Variants in UIMC1 observed in about 807,000 individuals in gnomAD.
UIMC1 encodes BRCA1-A complex subunit RAP80.
Under a neutral mutation model 84.9 loss-of-function variants are expected in UIMC1, and 42 were observed. That is an observed-to-expected ratio of 0.49 (90% CI 0.39 to 0.64). The LOEUF (loss-of-function observed/expected upper bound fraction) is 0.64, where lower values mean the gene tolerates loss of function less well. UIMC1 is among the 30% of genes least tolerant of loss of function. UIMC1 has a pLI of 0.00. For missense variants in UIMC1, 825 were observed against 847.6 expected, an observed-to-expected ratio of 0.97 and a Z score of 0.33; for synonymous variants, 281 against 293.0, an observed-to-expected ratio of 0.96 and a Z score of 0.42.
intron 10 of UIMC1, among the ~76,000 whole-genome samples, chr5:176,932,542 CAG>C (rs1307611587): frequency 2.6e-5 from 4 of 152,102 alleles, no homozygotes; most frequent in African/African-American, 7.2e-5. Context: ...GACAGACAGA[CAG>C]ACAAACATCA....
chr5:176,968,244 C>T (rs1768617215), intron 6 of UIMC1, among the ~76,000 whole-genome samples: 1 of 152,058 alleles, frequency 6.6e-6, no homozygotes, highest in African/African-American at 2.4e-5. Flanking sequence ...TAGTGGCAAG[C>T]ACCTGTAATC....
chr5:177,005,231 ACT>A (rs890871910), intron 1 of UIMC1, among the ~76,000 whole-genome samples: 37 of 150,696 alleles, frequency 2.5e-4, no homozygotes, highest in South Asian at 8.4e-4. Context: ...GCGCCACCAC[ACT>A]CTAATAATTT....
chr5:176,941,626 T>C (rs1175648996), intron 10 of UIMC1, among the ~76,000 whole-genome samples: 1 of 152,138 alleles, frequency 6.6e-6, no homozygotes, highest in Non-Finnish European at 1.5e-5. Context: ...TACACCTAAG[T>C]TACAGGAATC....
intron 1 of UIMC1, among the ~76,000 whole-genome samples, chr5:176,992,451 C>T (rs1773012109): frequency 6.8e-6 from 1 of 147,094 alleles, no homozygotes; most frequent in Admixed American, 6.7e-5. Context: ...ATAGTGAGAC[C>T]CTGTCTCAGT....
In UIMC1 at chr5:176,987,663, T is replaced by C. The variant is rs560254102; in HGVS notation, c.-8-5040A>G. Among the ~76,000 whole-genome samples, 11 of 147,846 alleles carry C rather than the reference T, an allele frequency of 7.4e-5. No individual in the cohort carries two copies. In the South Asian group the frequency reaches 2.4e-3, roughly 32 times the overall value. Reference sequence around the variant, plus strand: ...GGGACCCTGTCTCAAAAAAATAAAATAAAAATAAACATTAGCCAGGCATGG... The same window carrying C: ...GGGACCCTGTCTCAAAAAAATAAAACAAAAATAAACATTAGCCAGGCATGG... On this transcript the variant is annotated intron_variant, in intron 1 of 14. Transcript: ENST00000511320.
intron 1 of UIMC1, among the ~76,000 whole-genome samples, chr5:177,002,871 T>C (rs1774736298): frequency 1.3e-5 from 2 of 152,094 alleles, no homozygotes; most frequent in South Asian, 4.1e-4. Flanking sequence ...AATATATCAT[T>C]ATGAGGAAAC....
chr5:176,915,430 T>C (rs1210333514), intron 10 of UIMC1, among the ~76,000 whole-genome samples: 1 of 151,808 alleles, frequency 6.6e-6, no homozygotes, highest in South Asian at 2.1e-4. Flanking sequence ...ACAAAGAATA[T>C]ATCATTATTT....
chr5:177,014,185 T>C (rs765697313), intron 1 of UIMC1, among the ~76,000 whole-genome samples: 26 of 151,134 alleles, frequency 1.7e-4, no homozygotes, highest in Admixed American at 7.3e-4. Context: ...CCCAAGTAGC[T>C]GGGATTACAG....
chr5:176,999,684 T>C (rs967806384), intron 1 of UIMC1, among the ~76,000 whole-genome samples: 1 of 152,198 alleles, frequency 6.6e-6, no homozygotes, highest in Non-Finnish European at 1.5e-5. Context: ...TTATTTCACT[T>C]AACATAATGA....
intron 1 of UIMC1, among the ~76,000 whole-genome samples, chr5:176,988,765 C>G (rs1350848458): frequency 6.7e-6 from 1 of 150,094 alleles, no homozygotes. Context: ...CTCACTGCAG[C>G]CTCCACCTCC....
At chr5:176,988,777 G>A (rs973303276) in intron 1 of UIMC1, among the ~76,000 whole-genome samples, 8 of 149,566 alleles carry the variant, frequency 5.3e-5, no homozygotes, top group Admixed American at 6.8e-5. Flanking sequence ...TCCACCTCCC[G>A]GGTTCAAGCA....
intron 1 of UIMC1, among the ~76,000 whole-genome samples, chr5:176,990,086 C>G (rs1772591921): frequency 6.6e-6 from 1 of 151,368 alleles, no homozygotes; most frequent in African/African-American, 2.4e-5. Context: ...GAGGCTGAGG[C>G]AGGAGAATGG....
At chr5:176,944,173 TGTA>T (rs10562307) in intron 9 of UIMC1, among the ~76,000 whole-genome samples, 4,990 of 152,302 alleles carry the variant, frequency 0.033, 286 homozygotes, top group African/African-American at 0.11. Flanking sequence ...AACATAAGTC[TGTA>T]CTTAGACCCA....
intron 6 of UIMC1, among the ~76,000 whole-genome samples, chr5:176,966,920 T>C (rs1166703770): frequency 3.9e-5 from 6 of 152,174 alleles, no homozygotes; most frequent in African/African-American, 9.7e-5. Context: ...AAATGGGTCT[T>C]AGACATGTGA....
chr5:176,918,531 A>T (rs1057077872), intron 10 of UIMC1, among the ~76,000 whole-genome samples: 14 of 152,068 alleles, frequency 9.2e-5, no homozygotes, highest in African/African-American at 3.4e-4. Flanking sequence ...TCATTTTCTG[A>T]CTTCCATGGT....
Position 176,978,505 on chromosome 5 carries a change from C to T in UIMC1, c.148-3025G>A, listed in dbSNP as rs74359373. ...GTAGGACATAGAAAAAAATAATAAGCTTTCCTTCTCTTTTATATCATAACC... is the reference window on the plus strand; with the variant it reads ...GTAGGACATAGAAAAAAATAATAAGTTTTCCTTCTCTTTTATATCATAACC... On this transcript the variant is annotated intron_variant, in intron 2 of 14. Transcript: ENST00000511320. Among the ~76,000 whole-genome samples, 1,376 of 151,942 alleles carry T rather than the reference C, an allele frequency of 9.1e-3. 22 individuals are homozygous for T. Among genetic ancestry groups the T allele is most frequent in the African/African-American group, 0.031 (1,286 of 41,456 alleles).
chr5:176,914,642 C>T (rs1760733753), intron 10 of UIMC1, among the ~76,000 whole-genome samples: 1 of 152,112 alleles, frequency 6.6e-6, no homozygotes, highest in Admixed American at 6.5e-5. Flanking sequence ...TAGTGTTTGC[C>T]TCTGCGGAGG....
intron 6 of UIMC1, among the ~76,000 whole-genome samples, chr5:176,964,956 C>T (rs1768054001): frequency 1.3e-5 from 2 of 152,026 alleles, no homozygotes; most frequent in African/African-American, 4.8e-5. Flanking sequence ...CTCCTGTAAC[C>T]CATAATAAGT....
At chr5:176,914,022 C>CACCAT (rs1760625897) in intron 10 of UIMC1, among the ~76,000 whole-genome samples, 1 of 148,500 alleles carries the variant, frequency 6.7e-6, no homozygotes, top group Non-Finnish European at 1.5e-5. Flanking sequence ...CCATACCATA[C>CACCAT]ACCATACCAT....
Sources: gnomAD v4.1 joint callset for allele counts (sites outside exome capture counted in the v4.1 genomes callset) on GRCh38, gnomAD v4.1.1 for gene constraint, MANE v1.5 for transcripts, NCBI Gene and HGNC (gene_info 2026-07-23, HGNC 2026-07-21) for gene names.